The following CNTNAP2 variants were observed in gnomAD, a reference collection of about 807,000 sequenced individuals.
The protein encoded by CNTNAP2 is contactin associated protein 2.
Under a neutral mutation model 155.2 loss-of-function variants are expected in CNTNAP2, and 98 were observed. The ratio of observed to expected loss-of-function variants is 0.63; its 90% CI spans 0.54 to 0.75. CNTNAP2 has a LOEUF of 0.75. CNTNAP2 is among the 30% of genes least tolerant of loss of function. The pLI is 0.00. For missense variants in CNTNAP2, 1,727 were observed against 1,688.1 expected, an observed-to-expected ratio of 1.02 and a Z score of -0.40; for synonymous variants, 651 against 631.2, an observed-to-expected ratio of 1.03 and a Z score of -0.47.
At chr7:148,244,559 G>A (rs547038767) in intron 20 of CNTNAP2, among the ~76,000 whole-genome samples, 1 of 125,958 alleles carries the variant, frequency 7.9e-6, no homozygotes, top group Non-Finnish European at 1.6e-5. Context: ...GTGTGTGTGT[G>A]TTTTGGGTTT....
Position 146,461,959 on chromosome 7 carries a change from A to G in CNTNAP2, c.98-312312A>G, listed in dbSNP as rs149657606. On this transcript the variant is annotated intron_variant, in intron 1 of 23. Coordinates refer to ENST00000361727, the MANE Select transcript of CNTNAP2 (RefSeq NM_014141.6). ...TCTTGTTTCCTAATAAGCTTCTCTC[A>G]TGCTCCATGGTTATTTTTATTTTTT... Among the ~76,000 whole-genome samples, 24 of 152,320 alleles carry G rather than the reference A, an allele frequency of 1.6e-4. No homozygotes were observed. The East Asian group carries it at 4.2e-3, about 27-fold the overall frequency.
At chr7:147,412,147 T>G (rs1797114295) in intron 10 of CNTNAP2, among the ~76,000 whole-genome samples, 1 of 152,172 alleles carries the variant, frequency 6.6e-6, no homozygotes, top group Non-Finnish European at 1.5e-5. Flanking sequence ...AATTCATCAG[T>G]AACTTCTTAT....
At chr7:146,347,644 C>A (rs1794838935) in intron 1 of CNTNAP2, among the ~76,000 whole-genome samples, 1 of 152,150 alleles carries the variant, frequency 6.6e-6, no homozygotes, top group African/African-American at 2.4e-5. Context: ...CAGCTCACTG[C>A]AACCTCCACC....
intron 9 of CNTNAP2, among the ~76,000 whole-genome samples, chr7:147,304,873 A>G (rs979972025): frequency 6.6e-6 from 1 of 152,204 alleles, no homozygotes; most frequent in Non-Finnish European, 1.5e-5. Flanking sequence ...AGACCAAGGT[A>G]TCAAAATGCG....
At chr7:146,563,972 G>T (rs958144310) in intron 1 of CNTNAP2, among the ~76,000 whole-genome samples, 2 of 152,058 alleles carry the variant, frequency 1.3e-5, no homozygotes, top group East Asian at 3.9e-4. Flanking sequence ...TGAGATTCTT[G>T]TATTTCCCCT....
intron 12 of CNTNAP2, among the ~76,000 whole-genome samples, chr7:147,601,644 A>AAAATAT (rs1299075338): frequency 1.7e-4 from 15 of 87,460 alleles, no homozygotes; most frequent in East Asian, 1.0e-3. Context: ...CTTAAAAAAA[A>AAAATAT]ATATATATAT....
At chr7:146,151,663 T>TAC (rs1183581460) in intron 1 of CNTNAP2, among the ~76,000 whole-genome samples, 5 of 44,008 alleles carry the variant, frequency 1.1e-4, no homozygotes, top group South Asian at 2.0e-3. Flanking sequence ...TATATATATA[T>TAC]ATATATATAT....
Position 147,108,285 on chromosome 7 carries a change from G to A in CNTNAP2, c.689G>A (p.Gly230Glu), listed in dbSNP as rs569147020. 1 of 1,613,752 alleles carries A rather than the reference G, an allele frequency of 6.2e-7. No individual in the cohort carries two copies. The highest frequency in any genetic ancestry group is 2.2e-5 in the East Asian group (1 of 44,836). The change falls in exon 5 of 24, where the codon GGA becomes GAA. Residue 230 changes from glycine (G) to glutamate (E), a missense_variant. Gly to Glu is a moderately conservative substitution (Grantham distance 98). Transcript: ENST00000361727. ...ESEGVILHGEGQQGDYITLEL... is the reference protein window; with the variant it reads ...ESEGVILHGEEQQGDYITLEL... ...GAAGGAGTAATCCTGCACGGAGAAG[G>A]ACAGCAAGGAGATTACATTACCTTG...
chr7:148,343,624 CTT>C (rs1468954303), intron 21 of CNTNAP2, among the ~76,000 whole-genome samples: 7 of 152,314 alleles, frequency 4.6e-5, no homozygotes, highest in South Asian at 2.1e-4. Flanking sequence ...TGTCAGGAGA[CTT>C]TGTCAATCTG....
intron 3 of CNTNAP2, among the ~76,000 whole-genome samples, chr7:147,033,520 A>G (rs553158164): frequency 6.6e-6 from 1 of 152,076 alleles, no homozygotes; most frequent in African/African-American, 2.4e-5. Context: ...GTAAGATATT[A>G]TCAAATATAT....
chr7:147,576,853 C>T (rs1213426553), intron 12 of CNTNAP2, among the ~76,000 whole-genome samples: 1 of 152,022 alleles, frequency 6.6e-6, no homozygotes, highest in African/African-American at 2.4e-5. Flanking sequence ...GAAATGCTAG[C>T]CAACCCCCCT....
intron 11 of CNTNAP2, among the ~76,000 whole-genome samples, chr7:147,560,387 G>T (rs2116785236): frequency 6.6e-6 from 1 of 152,048 alleles, no homozygotes; most frequent in African/African-American, 2.4e-5. Context: ...ATTGACTTAT[G>T]GCATCTTCCT....
At chr7:146,382,377 A>G (rs1270308069) in intron 1 of CNTNAP2, among the ~76,000 whole-genome samples, 1 of 152,216 alleles carries the variant, frequency 6.6e-6, no homozygotes, top group South Asian at 2.1e-4. Context: ...AAGAAGAGTA[A>G]TTGGGGAAAG....
intron 13 of CNTNAP2, among the ~76,000 whole-genome samples, chr7:147,696,688 C>A (rs1796166705): frequency 6.6e-6 from 1 of 152,018 alleles, no homozygotes. Flanking sequence ...CAAGTCAGAT[C>A]TACTGGCAAC....
chr7:147,434,934 C>CTG (rs1441597920), intron 10 of CNTNAP2, among the ~76,000 whole-genome samples: 8 of 152,126 alleles, frequency 5.3e-5, no homozygotes, highest in Non-Finnish European at 1.0e-4. Flanking sequence ...TTTGTCTTTC[C>CTG]TGTGGTTCAG....
chr7:147,426,630 A>G (rs1797382371), intron 10 of CNTNAP2, among the ~76,000 whole-genome samples: 1 of 152,172 alleles, frequency 6.6e-6, no homozygotes, highest in Non-Finnish European at 1.5e-5. Context: ...TTAAAAAGTG[A>G]TGGCTCCAAA....
chr7:146,733,031 T>TA (rs1330838978), intron 1 of CNTNAP2, among the ~76,000 whole-genome samples: 1 of 152,080 alleles, frequency 6.6e-6, no homozygotes, highest in East Asian at 1.9e-4. Flanking sequence ...ATTCTAATCA[T>TA]AAAAAATAGA....
chr7:146,326,659 A>G (rs978531903), intron 1 of CNTNAP2, among the ~76,000 whole-genome samples: 3 of 152,222 alleles, frequency 2.0e-5, no homozygotes, highest in South Asian at 2.1e-4. Flanking sequence ...ACATACACCA[A>G]TCAAACTTTT....
chr7:148,209,875 G>C (rs904989440), intron 18 of CNTNAP2, among the ~76,000 whole-genome samples: 1 of 152,064 alleles, frequency 6.6e-6, no homozygotes, highest in Non-Finnish European at 1.5e-5. Flanking sequence ...TGTCATCTTG[G>C]CCTCCACTAC....
Sources: allele counts gnomAD v4.1 joint callset (sites outside exome capture counted in the v4.1 genomes callset), GRCh38; gene constraint gnomAD v4.1.1; transcripts MANE v1.5; gene names NCBI Gene and HGNC (gene_info 2026-07-23, HGNC 2026-07-21).